Variants in CAMK1D observed in about 807,000 individuals in gnomAD.
The protein encoded by CAMK1D is calcium/calmodulin-dependent protein kinase type 1D.
Under a neutral mutation model 47.7 loss-of-function variants are expected in CAMK1D, and 9 were observed. The ratio of observed to expected loss-of-function variants is 0.19; its 90% CI spans 0.11 to 0.33. The LOEUF (loss-of-function observed/expected upper bound fraction) is 0.33, where lower values mean the gene tolerates loss of function less well. CAMK1D is among the 10% of genes least tolerant of loss of function. The pLI, the probability that CAMK1D is intolerant of heterozygous loss-of-function variation, is 1.00. For missense variants in CAMK1D, 291 were observed against 488.7 expected (o/e 0.60, Z 3.81); for synonymous variants, 184 against 184.9 (o/e 0.99, Z 0.04).
rs777983270 is a variant in CAMK1D at position 12,700,366 on chromosome 10, G to T, written c.299+33556G>T. 2.0e-5 allele frequency among the ~76,000 whole-genome samples: 3 copies of T among 152,150 alleles called. No individual in the cohort carries two copies. In the East Asian group the frequency reaches 5.8e-4, roughly 29 times the overall value. On this transcript the variant is annotated intron_variant, in intron 3 of 10. Transcript: ENST00000619168. Reference sequence around the variant, plus strand: ...GAGGAAGGAGAAGTGCTGTGCAAGAGGGAGAAGCTCCTTATAAAAACCATC... The same window carrying T: ...GAGGAAGGAGAAGTGCTGTGCAAGATGGAGAAGCTCCTTATAAAAACCATC...
At chr10:12,638,306 T>G (rs1286082554) in intron 2 of CAMK1D, among the ~76,000 whole-genome samples, 1 of 152,206 alleles carries the variant, frequency 6.6e-6, no homozygotes, top group African/African-American at 2.4e-5. Flanking sequence ...ACTCTAAGCC[T>G]GCTTGCTATT....
rs112178502 is a variant in CAMK1D at position 12,605,337 on chromosome 10, AGTGTGTGTGT to A, written c.224+52002_224+52011del. On this transcript the variant is annotated intron_variant, in intron 2 of 10. Coordinates refer to ENST00000619168, the MANE Select transcript of CAMK1D (RefSeq NM_153498.4). ...TGTGATGGTGGATAGAAACCATTCA[AGTGTGTGTGT>A]GTGTGTGTGTGTGTGTGTGTATGTG... Among the ~76,000 whole-genome samples, 19 of 145,216 alleles carry A rather than the reference AGTGTGTGTGT, an allele frequency of 1.3e-4. 1 individual carries two copies. Among genetic ancestry groups the A allele is most frequent in the African/African-American group, 3.8e-4 (15 of 39,146 alleles).
chr10:12,806,163 C>T (rs1838722328), intron 6 of CAMK1D, among the ~76,000 whole-genome samples: 2 of 152,190 alleles, frequency 1.3e-5, no homozygotes, highest in Admixed American at 1.3e-4. Context: ...GCAAGGCTTC[C>T]CCTGACCAGC....
At chr10:12,617,750 A>T (rs1310843532) in intron 2 of CAMK1D, among the ~76,000 whole-genome samples, 1 of 152,148 alleles carries the variant, frequency 6.6e-6, no homozygotes, top group Admixed American at 6.5e-5. Flanking sequence ...TTCACCAGTG[A>T]TAAAAATATT....
At chr10:12,642,637 A>C (rs563781977) in intron 2 of CAMK1D, among the ~76,000 whole-genome samples, 1 of 152,368 alleles carries the variant, frequency 6.6e-6, no homozygotes, top group South Asian at 2.1e-4. Context: ...ATTCCTACCA[A>C]TAATGAGAGA....
chr10:12,459,631 A>G (rs532664863), intron 1 of CAMK1D, among the ~76,000 whole-genome samples: 2 of 152,230 alleles, frequency 1.3e-5, no homozygotes, highest in African/African-American at 4.8e-5. Flanking sequence ...TATTTGAAAC[A>G]TATTTGTCTT....
At chr10:12,778,629 C>A (rs1202835345) in intron 5 of CAMK1D, among the ~76,000 whole-genome samples, 2 of 152,198 alleles carry the variant, frequency 1.3e-5, no homozygotes, top group Non-Finnish European at 2.9e-5. Context: ...ATAATCCCAG[C>A]ACCTTGGAAG....
intron 3 of CAMK1D, among the ~76,000 whole-genome samples, chr10:12,759,823 C>T (rs2482058): frequency 0.033 from 4,973 of 152,128 alleles, 243 homozygotes; most frequent in African/African-American, 0.1. Context: ...TCAGTTATTG[C>T]GCATAAATTG....
At chr10:12,389,753 T>C (rs1838656027) in intron 1 of CAMK1D, among the ~76,000 whole-genome samples, 2 of 152,198 alleles carry the variant, frequency 1.3e-5, no homozygotes, top group African/African-American at 4.8e-5. Context: ...CCTTGTCACC[T>C]ACTGTCTGAA....
chr10:12,560,103 A>G (rs527859866), intron 2 of CAMK1D, among the ~76,000 whole-genome samples: 1 of 152,308 alleles, frequency 6.6e-6, no homozygotes, highest in South Asian at 2.1e-4. Context: ...AACAGCCCCC[A>G]GAGAAAGGCT....
intron 5 of CAMK1D, among the ~76,000 whole-genome samples, chr10:12,786,609 A>C (rs992388021): frequency 1.3e-4 from 20 of 152,158 alleles, no homozygotes; most frequent in Non-Finnish European, 1.0e-4. Flanking sequence ...CCCAGGCTGG[A>C]GTGCAATGGT....
chr10:12,627,911 C>G (rs1839268441), intron 2 of CAMK1D, among the ~76,000 whole-genome samples: 1 of 152,038 alleles, frequency 6.6e-6, no homozygotes, highest in Non-Finnish European at 1.5e-5. Context: ...AACCCCCTCT[C>G]TACTAAAAAT....
chr10:12,474,900 C>T (rs1833858582), intron 1 of CAMK1D, among the ~76,000 whole-genome samples: 1 of 151,570 alleles, frequency 6.6e-6, no homozygotes, highest in Non-Finnish European at 1.5e-5. Flanking sequence ...TGGCCTCCGG[C>T]TCCATCCATG....
intron 1 of CAMK1D, among the ~76,000 whole-genome samples, chr10:12,528,689 A>G (rs1327733929): frequency 6.6e-6 from 1 of 151,832 alleles, no homozygotes; most frequent in Non-Finnish European, 1.5e-5. Flanking sequence ...GTCAGATGTT[A>G]TAGATAAGGA....
At chr10:12,378,418 A>ATT (rs71384317) in intron 1 of CAMK1D, among the ~76,000 whole-genome samples, 10 of 142,786 alleles carry the variant, frequency 7.0e-5, no homozygotes, top group East Asian at 2.0e-4. Flanking sequence ...GCAAACTTAA[A>ATT]TTTTTTTTTT....
chr10:12,492,347 C>CAAA (rs71384332), intron 1 of CAMK1D, among the ~76,000 whole-genome samples: 1 of 110,432 alleles, frequency 9.1e-6, no homozygotes, highest in African/African-American at 3.6e-5. Context: ...CACCTCATCT[C>CAAA]AAAAAAAAAA....
In CAMK1D at chr10:12,557,564, A is replaced by G. The variant is rs542479062; in HGVS notation, c.224+4208A>G. ...GAGACTCCATCTCAAAAAAAAAAAA[A>G]AAAAAAGAAAAAAGAAAAAAGTCTT... is the stretch of plus-strand genomic sequence containing the variant. On this transcript the variant is annotated intron_variant, in intron 2 of 10. Transcript: ENST00000619168. 1.3e-3 allele frequency among the ~76,000 whole-genome samples: 201 copies of G among 151,668 alleles called. 2 individuals carry two copies. The highest frequency in any genetic ancestry group is 4.2e-3 in the African/African-American group (173 of 41,340).
intron 5 of CAMK1D, among the ~76,000 whole-genome samples, chr10:12,783,297 G>T (rs6602618): frequency 0.94 from 143,054 of 152,272 alleles, 67,871 homozygotes; most frequent in East Asian, 1. Context: ...CCGGCCTGGT[G>T]CTGGACTGTT....
At chr10:12,804,937 CAA>C (rs145584740) in intron 6 of CAMK1D, among the ~76,000 whole-genome samples, 832 of 51,000 alleles carry the variant, frequency 0.016, 11 homozygotes, top group African/African-American at 0.065. Context: ...GACCCTGTCT[CAA>C]AAAAAAAAAA....
Sources: gnomAD v4.1 joint callset for allele counts (sites outside exome capture counted in the v4.1 genomes callset) on GRCh38, gnomAD v4.1.1 for gene constraint, MANE v1.5 for transcripts, NCBI Gene and HGNC (gene_info 2026-07-23, HGNC 2026-07-21) for gene names.